The following METTL21A variants were observed in gnomAD, a reference collection of about 807,000 sequenced individuals.
METTL21A encodes methyltransferase 21A, HSPA lysine.
In METTL21A, 22 loss-of-function variants were observed where a neutral mutation model predicts 20.9. The ratio of observed to expected loss-of-function variants is 1.05; its 90% CI spans 0.75 to 1.50. The LOEUF (loss-of-function observed/expected upper bound fraction) is 1.50. Ranked by LOEUF, METTL21A falls within the 40% of genes most tolerant of loss-of-function variation. METTL21A has a pLI of 0.00. For synonymous variants in METTL21A, 93 were observed against 102.0 expected, an observed-to-expected ratio of 0.91 and a Z score of 0.53; for missense variants, 271 against 266.8, an observed-to-expected ratio of 1.02 and a Z score of -0.11.
chr2:207,581,576 A>C (rs889613937), downstream of METTL21A: 1 of 265,986 alleles, frequency 3.8e-6, no homozygotes, highest in African/African-American at 2.2e-5. Context: ...TTTTTACTCA[A>C]ACCAGTACAA....
intron 3 of METTL21A, chr2:207,599,220 G>A (rs912562906): frequency 2.2e-4 from 43 of 198,226 alleles, no homozygotes; most frequent in Admixed American, 6.0e-5. Flanking sequence ...AATGGGGAAA[G>A]TTATAGCATA....
intron 3 of METTL21A, among the ~76,000 whole-genome samples, chr2:207,617,586 A>G (rs568595293): frequency 6.6e-6 from 1 of 152,376 alleles, no homozygotes; most frequent in African/African-American, 2.4e-5. Context: ...ACAAAGCCTT[A>G]CTAAGACGCC....
At chr2:207,604,290 CAT>C (rs533562636), downstream of METTL21A, among the ~76,000 whole-genome samples, 154 of 152,320 alleles carry the variant, frequency 1.0e-3, no homozygotes, top group Non-Finnish European at 1.3e-3. Context: ...GAAGACTTAA[CAT>C]ATGTCTTTTA....
intron 3 of METTL21A, among the ~76,000 whole-genome samples, chr2:207,596,710 G>A (rs573294754): frequency 6.6e-6 from 1 of 152,334 alleles, no homozygotes; most frequent in East Asian, 1.9e-4. Context: ...TGGGATTACA[G>A]GCGTGAGCCG....
chr2:207,590,389 TG>T (rs1425530880), intron 3 of METTL21A, among the ~76,000 whole-genome samples: 9 of 152,028 alleles, frequency 5.9e-5, no homozygotes, highest in Non-Finnish European at 1.3e-4. Flanking sequence ...TTATCAATTT[TG>T]TTGATTGTTT....
At chr2:207,620,673 G>A (rs2090379025) in intron 3 of METTL21A, 1 of 1,535,208 alleles carries the variant, frequency 6.5e-7, no homozygotes. Flanking sequence ...TACCAGCAAG[G>A]GCTTCATCGA....
chr2:207,624,930 A>T (rs1343915391), intron 1 of METTL21A, 132 bp downstream of exon 1: 1 of 152,260 alleles, frequency 6.6e-6, no homozygotes, highest in African/African-American at 2.4e-5. Context: ...ATAAACCAGA[A>T]ATACATGGTC....
intron 3 of METTL21A, among the ~76,000 whole-genome samples, chr2:207,620,020 A>G (rs2090292917): frequency 2.6e-5 from 4 of 152,274 alleles, no homozygotes; most frequent in Admixed American, 2.6e-4. Context: ...ACTTTGCTAC[A>G]CTAACATGTC....
At chr2:207,582,627 T>C (rs546462302) in intron 3 of METTL21A, among the ~76,000 whole-genome samples, 1 of 152,332 alleles carries the variant, frequency 6.6e-6, no homozygotes, top group African/African-American at 2.4e-5. Context: ...CAGGTTCTCA[T>C]CTTGTGTTTT....
intron 3 of METTL21A, among the ~76,000 whole-genome samples, chr2:207,618,744 GTCTC>G (rs141526481): frequency 9.9e-5 from 15 of 151,802 alleles, no homozygotes; most frequent in African/African-American, 1.9e-4. Flanking sequence ...TGTGAATGTG[GTCTC>G]TCTCTCTCTC....
At chr2:207,585,263 C>T (rs2083612675) in intron 3 of METTL21A, among the ~76,000 whole-genome samples, 1 of 152,218 alleles carries the variant, frequency 6.6e-6, no homozygotes, top group Non-Finnish European at 1.5e-5. Flanking sequence ...ACAGCCTCCA[C>T]TGACAACCGA....
intron 3 of METTL21A, among the ~76,000 whole-genome samples, chr2:207,583,462 A>G (rs2083293567): frequency 6.6e-6 from 1 of 152,220 alleles, no homozygotes; most frequent in African/African-American, 2.4e-5. Flanking sequence ...TACCATTGTG[A>G]GAAACAGGAT....
rs187504349 is a variant in METTL21A at position 207,587,322 on chromosome 2, G to C, written c.260-5162C>G. On this transcript the variant is annotated intron_variant, in intron 3 of 3. Coordinates refer to the METTL21A transcript ENST00000425132. ...GCAGGAGAATGGCGTGAACCCGGAA[G>C]GCAGAGCTTGCAGTGAGCCGAGATC... 2.5e-3 allele frequency among the ~76,000 whole-genome samples: 373 copies of C among 151,630 alleles called. 4 individuals carry two copies. The highest frequency in any genetic ancestry group is 2.5e-3 in the Non-Finnish European group (167 of 67,882).
At chr2:207,581,969 G>A (rs754299852) in exon 4 of METTL21A, 1 of 701,774 alleles carries the variant, frequency 1.4e-6, no homozygotes, top group African/African-American at 1.8e-5. Context: ...TGAGATAATA[G>A]GTTTTGGGGA....
At chr2:207,589,699 G>C (rs1021834305) in intron 3 of METTL21A, among the ~76,000 whole-genome samples, 3 of 152,138 alleles carry the variant, frequency 2.0e-5, no homozygotes, top group Non-Finnish European at 4.4e-5. Context: ...TGCTTTTCCA[G>C]AATCTACTGA....
At chr2:207,614,756 C>T (rs1356912266) in intron 3 of METTL21A, among the ~76,000 whole-genome samples, 1 of 152,114 alleles carries the variant, frequency 6.6e-6, no homozygotes, top group African/African-American at 2.4e-5. Context: ...GGAGCAAGCA[C>T]ATAAGGTCAG....
intron 3 of METTL21A, among the ~76,000 whole-genome samples, chr2:207,594,042 G>A (rs1027712362): frequency 6.6e-6 from 1 of 152,054 alleles, no homozygotes; most frequent in Non-Finnish European, 1.5e-5. Flanking sequence ...ACCTTTTGAG[G>A]TAGAAAATAT....
Position 207,620,453 on chromosome 2 carries a change from T to TAAATAAAATAAAATA in METTL21A, c.259+1338_259+1352dup, listed in dbSNP as rs58925319. 3.7e-3 allele frequency among the ~76,000 whole-genome samples: 544 copies of TAAATAAAATAAAATA among 146,856 alleles called. 6 individuals carry two copies. The highest frequency in any genetic ancestry group is 0.013 in the African/African-American group (519 of 39,758). On this transcript the variant is annotated intron_variant, in intron 3 of 3. Coordinates refer to ENST00000406927, the Ensembl canonical transcript of METTL21A. ...GTGAGACTCCATCTCAAAAAATAAA[T>TAAATAAAATAAAATA]AAATAAAATAAAATAAAATAAAATA... is the stretch of plus-strand genomic sequence containing the variant.
Position 207,582,910 on chromosome 2 carries a change from CAA to C in METTL21A, c.260-752_260-751del, listed in dbSNP as rs762922292. 1,148 of 196,518 alleles carry C rather than the reference CAA, an allele frequency of 5.8e-3. 1 individual carries two copies. The highest frequency in any genetic ancestry group is 8.6e-3 in the South Asian group (207 of 24,006). The allele number at this position is 196,518 out of a possible 1,614,324, so 12.2% of individuals were successfully genotyped here. A position where few individuals can be genotyped will look rare whatever the true frequency, so the allele number is the denominator to read the frequency against. On this transcript the variant is annotated intron_variant, in intron 3 of 3. Coordinates refer to the METTL21A transcript ENST00000425132. ...TGTCTCAAAAAAACAAACAAACAAA[CAA>C]AAAAAAATATATATATATACATACA...
Sources: allele counts gnomAD v4.1 joint callset (sites outside exome capture counted in the v4.1 genomes callset), GRCh38; gene constraint gnomAD v4.1.1; transcripts MANE v1.5; gene names NCBI Gene and HGNC (gene_info 2026-07-23, HGNC 2026-07-21).